HNRNPUL2: variants seen among roughly 807,000 people sequenced by gnomAD.
The protein encoded by HNRNPUL2 is heterogeneous nuclear ribonucleoprotein U like 2, also known as heterogeneous nuclear ribonucleoprotein U-like protein 2.
In HNRNPUL2, 27 loss-of-function variants were observed where a neutral mutation model predicts 102.2. The ratio of observed to expected loss-of-function variants is 0.26; its 90% CI spans 0.19 to 0.36. The LOEUF (loss-of-function observed/expected upper bound fraction) is 0.36. HNRNPUL2 is among the 10% of genes least tolerant of loss of function. HNRNPUL2 has a pLI of 1.00. For missense variants in HNRNPUL2, 936 were observed against 981.1 expected, an observed-to-expected ratio of 0.95 and a Z score of 0.61; for synonymous variants, 458 against 387.2, an observed-to-expected ratio of 1.18 and a Z score of -2.15.
Position 62,723,638 on chromosome 11 carries a change from C to T in HNRNPUL2, c.840G>A (p.Gly280=). ...TTGTCACTCCGTAAGTACTCCTTGC[C>T]CCAGACCAAAGGGTGGGGAACTTCT... ...FSEKFPTLWS[G]ARSTYGVTKG... Residue 280 remains glycine (G), a synonymous_variant, in exon 4 of 14, where the codon GGG becomes GGA. Coordinates refer to ENST00000301785, the MANE Select transcript of HNRNPUL2 (RefSeq NM_001079559.3). 1 of 1,614,102 alleles carries T rather than the reference C, an allele frequency of 6.2e-7. No homozygotes were observed. Among genetic ancestry groups the T allele is most frequent in the Non-Finnish European group, 8.5e-7 (1 of 1,179,982 alleles).
Position 62,726,742 on chromosome 11 carries a change from C to A in HNRNPUL2, c.415G>T (p.Gly139Cys). ...EKPAEATAGSGGVNGGEEQGL... is the reference protein window; with the variant it reads ...EKPAEATAGSCGVNGGEEQGL... ...TGCTCTTCGCCACCATTTACCCCGCCTGACCCGGCCGTGGCCTCCGCCGGC... is the reference window on the plus strand; with the variant it reads ...TGCTCTTCGCCACCATTTACCCCGCATGACCCGGCCGTGGCCTCCGCCGGC... The change falls in exon 1 of 14, where the codon GGC (glycine) becomes TGC (cysteine). Residue 139 changes from glycine to cysteine, a missense_variant. Transcript: ENST00000301785. The A allele has an allele frequency of 6.2e-7, 1 of 1,601,198 alleles. No individual in the cohort carries two copies. Among genetic ancestry groups the A allele is most frequent in the Non-Finnish European group, 8.5e-7 (1 of 1,179,700 alleles).
rs532736261 is a variant in HNRNPUL2 at position 62,717,864 on chromosome 11, T to C, written c.1781-675A>G. 5.9e-5 allele frequency among the ~76,000 whole-genome samples: 9 copies of C among 152,088 alleles called. No homozygotes were observed. In the East Asian group the frequency reaches 1.7e-3, roughly 29 times the overall value. On this transcript the variant is annotated intron_variant, in intron 10 of 13. Coordinates refer to ENST00000301785, the MANE Select transcript of HNRNPUL2 (RefSeq NM_001079559.3). ...ATACAAGGAGAAGAGAAGACAAGAG[T>C]ACAAGGGCTCTCATTTACCACCTGT...
intron 6 of HNRNPUL2, 104 bp downstream of exon 6, chr11:62,722,497 C>T (rs2083711203): frequency 1.4e-6 from 2 of 1,424,038 alleles, no homozygotes; most frequent in Non-Finnish European, 2.0e-6. Flanking sequence ...GCGAGCCACA[C>T]ACATCACATG....
intron 1 of HNRNPUL2, among the ~76,000 whole-genome samples, chr11:62,725,236 C>G (rs1356865794): frequency 6.6e-6 from 1 of 152,158 alleles, no homozygotes; most frequent in Non-Finnish European, 1.5e-5. Flanking sequence ...CTCGTTCTGT[C>G]GCCCAGGCTG....
chr11:62,726,114 A>T (rs573146), intron 1 of HNRNPUL2, among the ~76,000 whole-genome samples: 3,707 of 152,324 alleles, frequency 0.024, 153 homozygotes, highest in African/African-American at 0.084. Flanking sequence ...AAGAGGAGCA[A>T]GGTTGGATTT....
At position 62,722,665 on chromosome 11, in the gene HNRNPUL2, T is replaced by C. The variant is rs2083712378; in HGVS notation, c.1031A>G (p.Glu344Gly). The part of the protein sequence containing the change: ...YGFDGRGLKA[E>G]NGQFEEFGQT... Reference sequence around the variant, plus strand: ...GCCAAATTCCTCAAATTGTCCATTTTCTGCCTTGAGTCCTCGTCCATCGAA... The same window carrying C: ...GCCAAATTCCTCAAATTGTCCATTTCCTGCCTTGAGTCCTCGTCCATCGAA... The change falls in exon 6 of 14, where the codon GAA (glutamate) becomes GGA (glycine). Residue 344 changes from glutamate to glycine, a missense_variant. By Grantham distance (98) the Glu-to-Gly change is moderately conservative (BLOSUM62 -2). Transcript: ENST00000301785. The C allele has an allele frequency of 6.2e-7, 1 of 1,614,242 alleles. No homozygotes were observed. Among genetic ancestry groups the C allele is most frequent in the Non-Finnish European group, 8.5e-7 (1 of 1,180,046 alleles).
intron 10 of HNRNPUL2, among the ~76,000 whole-genome samples, chr11:62,719,301 A>G (rs1179198848): frequency 6.6e-6 from 1 of 152,170 alleles, no homozygotes; most frequent in African/African-American, 2.4e-5. Context: ...AAATACAAAA[A>G]TTAGCTAGGC....
Position 62,727,161 on chromosome 11 carries a change from G to T in HNRNPUL2, c.-5C>A. 1 of 1,427,888 alleles carries T rather than the reference G, an allele frequency of 7.0e-7. No homozygotes were observed. The highest frequency in any genetic ancestry group is 9.2e-7 in the Non-Finnish European group (1 of 1,092,178). The allele number at this position is 1,427,888 out of a possible 1,614,324, so 88.5% of individuals were successfully genotyped here. A position where few individuals can be genotyped will look rare whatever the true frequency, so the allele number is the denominator to read the frequency against. On this transcript the variant is annotated 5_prime_UTR_variant, in exon 1 of 14. Transcript: ENST00000301785. Reference sequence around the variant, plus strand: ...TTTCAGCCGCTTCACCTCCATCGCCGCCGCCGCCTCCTCCGCCTCCCGCCG... The same window carrying T: ...TTTCAGCCGCTTCACCTCCATCGCCTCCGCCGCCTCCTCCGCCTCCCGCCG...
In HNRNPUL2 at chr11:62,726,638, G is replaced by C. The variant is rs1455105821; in HGVS notation, c.519C>G (p.Asp173Glu). 3 of 1,593,400 alleles carry C rather than the reference G, an allele frequency of 1.9e-6. No individual in the cohort carries two copies. The highest frequency in any genetic ancestry group is 2.6e-6 in the Non-Finnish European group (3 of 1,176,450). Residue 173 changes from aspartate to glutamate, a missense_variant, in exon 1 of 14, where the codon GAC becomes GAG. Physicochemically the swap from Asp to Glu is conservative, Grantham distance 45. Transcript: ENST00000301785. ...DETPGSEVPG[D>E]KAAEEQGDDQ... ...CCTCACCCTGTTCCTCGGCGGCCTTGTCACCCGGCACCTCGGATCCCGGCG... is the reference window on the plus strand; with the variant it reads ...CCTCACCCTGTTCCTCGGCGGCCTTCTCACCCGGCACCTCGGATCCCGGCG...
rs745622158 is a variant in HNRNPUL2, at chr11:62,721,970, T to C, written c.1360-28A>G. On this transcript the variant is annotated intron_variant, in intron 7 of 13. Transcript: ENST00000301785. ...GCAAAAAACAGAACCAGAAATATAA[T>C]GAAAAATAAATGAGGGTCATGTTTA... is the stretch of plus-strand genomic sequence containing the variant. 3.1e-6 allele frequency: 5 copies of C among 1,611,650 alleles called. No individual in the cohort carries two copies. In the Admixed American group the frequency reaches 5.1e-5, roughly 16 times the overall value.
chr11:62,722,851 C>T lies in HNRNPUL2; in HGVS notation c.944G>A (p.Arg315Gln). 1.2e-6 allele frequency: 2 copies of T among 1,614,142 alleles called. No individual in the cohort carries two copies. Among genetic ancestry groups the T allele is most frequent in the Non-Finnish European group, 1.7e-6 (2 of 1,180,026 alleles). The change falls in exon 5 of 14, where the codon CGA (arginine) becomes CAA (glutamine). Residue 315 changes from arginine to glutamine, a missense_variant. This residue lies in a region of HNRNPUL2 where 609 missense variants were observed against 713.0 expected (regional missense o/e 0.85). Coordinates refer to ENST00000301785, the MANE Select transcript of HNRNPUL2 (RefSeq NM_001079559.3). Reference sequence around the variant, plus strand: ...GGAAAAATCAACAGACCACCCAACTCGAAGGAGAGAGACCTCTGTGCAGCC... The same window carrying T: ...GGAAAAATCAACAGACCACCCAACTTGAAGGAGAGAGACCTCTGTGCAGCC... The part of the protein sequence containing the change: ...KEGCTEVSLL[R>Q]VGWSVDFSRP...
rs1379130085 is a variant in HNRNPUL2 at position 62,723,697 on chromosome 11, T to C, written c.781A>G (p.Lys261Glu). 2 of 1,614,180 alleles carry C rather than the reference T, an allele frequency of 1.2e-6. No individual in the cohort carries two copies. Among genetic ancestry groups the C allele is most frequent in the South Asian group, 1.1e-5 (1 of 91,078 alleles). The change falls in exon 4 of 14, where the codon AAA becomes GAA. Residue 261 changes from lysine (K) to glutamate (E), a missense_variant. Physicochemically the swap from Lys to Glu is moderately conservative, Grantham distance 56 (BLOSUM62 1). This residue lies in a region of HNRNPUL2 where 609 missense variants were observed against 713.0 expected (regional missense o/e 0.85). Coordinates refer to ENST00000301785, the MANE Select transcript of HNRNPUL2 (RefSeq NM_001079559.3). The part of the protein sequence containing the change: ...YTSDLHFQVS[K>E]DRYGGQPLFS... ...AGTGGCTGCCCTCCATAGCGGTCTT[T>C]GCTCACTTGAAAATGCAGATCCGAG...
chr11:62,721,950 A>C lies in HNRNPUL2; in HGVS notation c.1360-8T>G. 1 of 1,612,670 alleles carries C rather than the reference A, an allele frequency of 6.2e-7. No individual in the cohort carries two copies. Among genetic ancestry groups the C allele is most frequent in the East Asian group, 2.2e-5 (1 of 44,890 alleles). ...TCCCACCATCAGAATCACCTGCAAA[A>C]AACAGAACCAGAAATATAATGAAAA... On this transcript the variant is annotated splice_polypyrimidine_tract_variant and splice_region_variant and intron_variant, in intron 7 of 13. Transcript: ENST00000301785.
At position 62,726,995 on chromosome 11, in the gene HNRNPUL2, G is replaced by A. The variant is rs138896479; in HGVS notation, c.162C>T (p.Gly54=). The A allele has an allele frequency of 2.8e-3, 3,841 of 1,357,318 alleles. 173 individuals carry two copies. The East Asian group carries it at 0.095, about 34-fold the overall frequency. The allele number at this position is 1,357,318 out of a possible 1,614,324, so 84.1% of individuals were successfully genotyped here. Residue 54 remains glycine, a synonymous_variant, in exon 1 of 14, where the codon GGC becomes GGT. Coordinates refer to ENST00000301785, the MANE Select transcript of HNRNPUL2 (RefSeq NM_001079559.3). The part of the protein sequence containing the change: ...DEAGGGGAGP[G]GACKAEPRPV... ...GCCGAGGCTCCGCCTTGCAGGCCCC[G>A]CCGGGCCCGGCCCCGCCGCCGCCGG... is the stretch of plus-strand genomic sequence containing the variant.
At position 62,713,143 on chromosome 11, in the gene HNRNPUL2, C is replaced by T. The variant is rs778381515; in HGVS notation, c.*2156G>A. ...TGTCAAATATCAACAGCGAGTACCT[C>T]CCCTAACCCCTGCTGGAAAAAAACT... On this transcript the variant is annotated 3_prime_UTR_variant, in exon 14 of 14. Transcript: ENST00000301785. The T allele has an allele frequency of 6.6e-6, 1 of 152,124 alleles. No homozygotes were observed. Among genetic ancestry groups the T allele is most frequent in the Admixed American group, 6.5e-5 (1 of 15,278 alleles). The allele number at this position is 152,124 out of a possible 1,614,324, so 9.4% of individuals were successfully genotyped here. A position where few individuals can be genotyped will look rare whatever the true frequency, so the allele number is the denominator to read the frequency against.
chr11:62,716,335 A>C lies in HNRNPUL2; in HGVS notation c.1982-398T>G, dbSNP rs181360620. Among the ~76,000 whole-genome samples, 17 of 152,318 alleles carry C rather than the reference A, an allele frequency of 1.1e-4. No homozygotes were observed. In the East Asian group the frequency reaches 3.1e-3, roughly 28 times the overall value. ...TATGCAAAAGAAACAAAGTCTCTGT[A>C]ATCAGCTCCTCAAGGGCGGGAACTG... On this transcript the variant is annotated intron_variant, in intron 11 of 13. Coordinates refer to ENST00000301785, the MANE Select transcript of HNRNPUL2 (RefSeq NM_001079559.3).
rs926211594 is a variant in HNRNPUL2, at chr11:62,713,167, C to A, written c.*2132G>T. The stretch of plus-strand genomic sequence containing the variant: ...TCCCCTAACCCCTGCTGGAAAAAAA[C>A]TCAACTTGATTTAGTTTAGTCCCCT... On this transcript the variant is annotated 3_prime_UTR_variant, in exon 14 of 14. Coordinates refer to ENST00000301785, the MANE Select transcript of HNRNPUL2 (RefSeq NM_001079559.3). 2.6e-5 allele frequency: 4 copies of A among 152,162 alleles called. No individual in the cohort carries two copies. The highest frequency in any genetic ancestry group is 9.7e-5 in the African/African-American group (4 of 41,424). The allele number at this position is 152,162 out of a possible 1,614,324, so 9.4% of individuals were successfully genotyped here. A position where few individuals can be genotyped will look rare whatever the true frequency, so the allele number is the denominator to read the frequency against.
intron 2 of HNRNPUL2, 102 bp downstream of exon 2, chr11:62,724,189 T>C (rs1055991073): frequency 6.8e-7 from 1 of 1,466,026 alleles, no homozygotes; most frequent in Non-Finnish European, 9.4e-7. Flanking sequence ...TAAAAACCTA[T>C]TCCATTTTGA....
Position 62,726,899 on chromosome 11 carries a change from C to CCCG in HNRNPUL2, c.257_258insCGG (p.Glu86delinsAspGly), listed in dbSNP as rs1565165263. The CCCG allele has an allele frequency of 6.4e-7, 1 of 1,560,258 alleles. No homozygotes were observed. Among genetic ancestry groups the CCCG allele is most frequent in the Admixed American group, 1.8e-5 (1 of 54,922 alleles). ...CGTCCTCGTCCTCAAGCAGCGCCTC[C>CCCG]TCGTCCTCCTCCTCCTCCTCTTCGT... On this transcript the variant is annotated protein_altering_variant, in exon 1 of 14. Coordinates refer to ENST00000301785, the MANE Select transcript of HNRNPUL2 (RefSeq NM_001079559.3).
Sources: gnomAD v4.1 joint callset for allele counts (sites outside exome capture counted in the v4.1 genomes callset) on GRCh38, gnomAD v4.1.1 for gene constraint, gnomAD v4.1.1 regional missense constraint, MANE v1.5 for transcripts, NCBI Gene and HGNC (gene_info 2026-07-23, HGNC 2026-07-21) for gene names.